Variants in NIPAL3 observed in about 807,000 individuals in gnomAD.
NIPAL3 encodes the protein NIPA-like protein 3.
NIPAL3 carries 41 observed loss-of-function variants against 47.2 expected under a neutral mutation model. The observed-to-expected ratio is 0.87, with a 90% CI of 0.68 to 1.13. The LOEUF is 1.13. Among genes scored for constraint, NIPAL3 ranks in the 50% most tolerant of loss-of-function variants. The pLI is 0.00. For missense variants in NIPAL3, 449 were observed against 530.1 expected, an observed-to-expected ratio of 0.85 and a Z score of 1.50; for synonymous variants, 194 against 209.6, an observed-to-expected ratio of 0.93 and a Z score of 0.64.
At chr1:24,424,224 G>A (rs755322434) in intron 2 of NIPAL3, among the ~76,000 whole-genome samples, 1 of 152,194 alleles carries the variant, frequency 6.6e-6, no homozygotes, top group Admixed American at 6.5e-5. Context: ...GTGGGGTAAA[G>A]AGAAGAGGAC....
rs184665915 is a variant in NIPAL3, at chr1:24,472,511, G to A, written c.*3326G>A. ...CAAGCAATGTTAAATATCACACCTC[G>A]GTCTCCTTTTGAGCAGCCCAGGTAC... On this transcript the variant is annotated 3_prime_UTR_variant, in exon 12 of 12. Coordinates refer to ENST00000374399, the MANE Select transcript of NIPAL3 (RefSeq NM_020448.5). 2.6e-5 allele frequency: 4 copies of A among 152,062 alleles called. No individual in the cohort carries two copies. The highest frequency in any genetic ancestry group is 5.9e-5 in the Non-Finnish European group (4 of 68,034). The allele number at this position is 152,062 out of a possible 1,614,324, so 9.4% of individuals were successfully genotyped here.
At chr1:24,441,679 G>T (rs1435266356) in intron 3 of NIPAL3, among the ~76,000 whole-genome samples, 4 of 152,132 alleles carry the variant, frequency 2.6e-5, no homozygotes, top group Non-Finnish European at 5.9e-5. Flanking sequence ...CGACCCAAGG[G>T]CCAGGCCAAG....
At chr1:24,439,862 T>C (rs1304780094) in intron 2 of NIPAL3, among the ~76,000 whole-genome samples, 2 of 152,230 alleles carry the variant, frequency 1.3e-5, no homozygotes, top group African/African-American at 4.8e-5. Context: ...TTTTGGAATG[T>C]TGCTTTTCTG....
intron 10 of NIPAL3, among the ~76,000 whole-genome samples, chr1:24,461,467 G>A (rs1265026840): frequency 2.6e-5 from 4 of 151,114 alleles, no homozygotes; most frequent in East Asian, 1.9e-4. Context: ...ACTTGAACCC[G>A]GGAGGCGGAG....
chr1:24,453,492 G>A lies in NIPAL3; in HGVS notation c.625G>A (p.Val209Met), dbSNP rs1367638099. The change falls in exon 7 of 12, where the codon GTG (valine) becomes ATG (methionine). Residue 209 changes from valine to methionine, a missense_variant. Val to Met is a conservative substitution (Grantham distance 21). Transcript: ENST00000374399. ...CAACATTGTCGTGATTCTTCTCTTG[G>A]TGGCGTTACTTGGTAAGTTGGCATC... ...ANNIVVILLLVALLGSMTVVT... is the reference protein window; with the variant it reads ...ANNIVVILLLMALLGSMTVVT... The A allele has an allele frequency of 1.2e-6, 2 of 1,613,280 alleles. No individual in the cohort carries two copies. Among genetic ancestry groups the A allele is most frequent in the South Asian group, 2.2e-5 (2 of 90,988 alleles).
At chr1:24,453,975 T>C in intron 7 of NIPAL3, 1 of 451,716 alleles carries the variant, frequency 2.2e-6, no homozygotes, top group Non-Finnish European at 4.4e-6. Context: ...GGATGGGTGC[T>C]GTGGAAGAGA....
At chr1:24,467,274 T>A (rs1210200429) in intron 11 of NIPAL3, among the ~76,000 whole-genome samples, 1 of 150,878 alleles carries the variant, frequency 6.6e-6, no homozygotes, top group East Asian at 2.0e-4. Flanking sequence ...CCATCCTGGC[T>A]AACACGGTGA....
At chr1:24,458,214 C>T (rs1307319899) in intron 8 of NIPAL3, among the ~76,000 whole-genome samples, 1 of 152,140 alleles carries the variant, frequency 6.6e-6, no homozygotes, top group Non-Finnish European at 1.5e-5. Flanking sequence ...ATTTGAGCCC[C>T]GTAGTTAGAG....
At chr1:24,418,105 T>C (rs1181077354) in intron 1 of NIPAL3, among the ~76,000 whole-genome samples, 1 of 152,204 alleles carries the variant, frequency 6.6e-6, no homozygotes, top group Non-Finnish European at 1.5e-5. Context: ...TTATCTATAT[T>C]TCACAGCTGG....
At chr1:24,428,799 A>T (rs1056632453) in intron 2 of NIPAL3, among the ~76,000 whole-genome samples, 1 of 151,998 alleles carries the variant, frequency 6.6e-6, no homozygotes. Flanking sequence ...TTGGCCTCCA[A>T]TGTTTTTGCT....
chr1:24,458,477 T>A (rs1419506011), intron 8 of NIPAL3, among the ~76,000 whole-genome samples: 1 of 152,040 alleles, frequency 6.6e-6, no homozygotes, highest in African/African-American at 2.4e-5. Flanking sequence ...TTTAAAAGAA[T>A]AATTATGACA....
intron 8 of NIPAL3, among the ~76,000 whole-genome samples, chr1:24,456,763 CTTGT>C (rs917183792): frequency 5.3e-5 from 8 of 151,936 alleles, no homozygotes; most frequent in African/African-American, 1.7e-4. Context: ...TGTTTGTTTG[CTTGT>C]TTGTTTGTTT....
At chr1:24,442,744 AG>A (rs1180270312) in intron 4 of NIPAL3, among the ~76,000 whole-genome samples, 2 of 152,146 alleles carry the variant, frequency 1.3e-5, no homozygotes, top group African/African-American at 2.4e-5. Flanking sequence ...TGAGGCCAGG[AG>A]TTTGAGACCA....
At chr1:24,465,913 A>G in intron 11 of NIPAL3, 1 of 1,446,320 alleles carries the variant, frequency 6.9e-7, no homozygotes, top group Non-Finnish European at 9.1e-7. Flanking sequence ...GCAGAATAAA[A>G]CTGCTGAACA....
chr1:24,433,029 T>G (rs1644946240), intron 2 of NIPAL3: 1 of 152,220 alleles, frequency 6.6e-6, no homozygotes, highest in African/African-American at 2.4e-5. Flanking sequence ...GAAATCTGTA[T>G]CCGTAAACCC....
intron 10 of NIPAL3, among the ~76,000 whole-genome samples, chr1:24,460,832 T>C (rs1646436754): frequency 6.6e-6 from 1 of 152,216 alleles, no homozygotes. Flanking sequence ...TGAAGCTACA[T>C]GAGATACCAT....
chr1:24,454,081 C>T lies in NIPAL3; in HGVS notation c.637+577C>T, dbSNP rs1302831058. 12 of 714,318 alleles carry T rather than the reference C, an allele frequency of 1.7e-5. No homozygotes were observed. Among genetic ancestry groups the T allele is most frequent in the South Asian group, 1.3e-4 (9 of 68,304 alleles). The allele number at this position is 714,318 out of a possible 1,614,324, so 44.2% of individuals were successfully genotyped here. A position where few individuals can be genotyped will look rare whatever the true frequency, so the allele number is the denominator to read the frequency against. ...TTGCTCTGTCACCCAGGCTGGAGTG[C>T]AGTGGTACAATCTTAGCTCTCTGCA... On this transcript the variant is annotated intron_variant, in intron 7 of 11. Transcript: ENST00000374399. This position sits in a 1 kb window ranked among gnomAD's most constrained non-coding sequence, Gnocchi z 4.1.
rs1570344283 is a variant in NIPAL3, at chr1:24,454,216, A to T, written c.637+712A>T. 1 of 1,190,510 alleles carries T rather than the reference A, an allele frequency of 8.4e-7. No individual in the cohort carries two copies. Among genetic ancestry groups the T allele is most frequent in the East Asian group, 6.0e-5 (1 of 16,680 alleles). 73.7% of individuals were successfully genotyped at this position (1,190,510 alleles called of 1,614,324 possible). A position where few individuals can be genotyped will look rare whatever the true frequency, so the allele number is the denominator to read the frequency against. Reference sequence around the variant, plus strand: ...TAGAACTGCATATAATTTTATAGCTAAATAGAGCTGTGGGGAATCCATCCT... The same window carrying T: ...TAGAACTGCATATAATTTTATAGCTTAATAGAGCTGTGGGGAATCCATCCT... On this transcript the variant is annotated intron_variant, in intron 7 of 11. Transcript: ENST00000374399. The surrounding 1 kb of genome is among the most constrained non-coding windows in gnomAD (Gnocchi z 4.1).
chr1:24,455,546 C>T (rs1442147344), intron 7 of NIPAL3, among the ~76,000 whole-genome samples: 3 of 152,074 alleles, frequency 2.0e-5, no homozygotes, highest in South Asian at 2.1e-4. Context: ...CAGCTGGGCG[C>T]GGAGGCTCAC....
Sources: allele counts gnomAD v4.1 joint callset (sites outside exome capture counted in the v4.1 genomes callset), GRCh38; gene constraint gnomAD v4.1.1; non-coding constraint Gnocchi (gnomAD v3.1); transcripts MANE v1.5; gene names NCBI Gene and HGNC (gene_info 2026-07-23, HGNC 2026-07-21).